Variants in ARHGAP45 observed in about 807,000 individuals in gnomAD.
ARHGAP45 encodes the protein Rho GTPase activating protein 45.
In ARHGAP45, 56 loss-of-function variants were observed where a neutral mutation model predicts 116.1. That is an observed-to-expected ratio of 0.48 (90% CI 0.39 to 0.60). ARHGAP45 has a LOEUF of 0.60. Among genes scored for constraint, ARHGAP45 ranks in the 20% least tolerant of loss-of-function variants. The pLI is 0.00. For missense variants in ARHGAP45, 1,622 were observed against 1,601.0 expected, an observed-to-expected ratio of 1.01 and a Z score of -0.22; for synonymous variants, 866 against 701.7, an observed-to-expected ratio of 1.23 and a Z score of -3.70.
Position 1,073,531 on chromosome 19 carries a change from T to A in ARHGAP45, c.591T>A (p.Asp197Glu). Residue 197 changes from aspartate to glutamate, a missense_variant, in exon 4 of 23, where the codon GAT becomes GAA. Asp to Glu is a conservative substitution (Grantham distance 45, BLOSUM62 2). Transcript: ENST00000313093. ...CCTTCCATTATGAGAGCAACAATGA[T>A]CTGGAGAAACAGGAGTTCGAGAAGG... ...VKAFHYESNN[D>E]LEKQEFEKAL... 6.2e-7 allele frequency: 1 copy of A among 1,613,982 alleles called. No individual in the cohort carries two copies.
rs763645536 is a variant in ARHGAP45, at chr19:1,074,327, C to A, written c.929-16C>A. On this transcript the variant is annotated splice_polypyrimidine_tract_variant and intron_variant, in intron 7 of 22. Coordinates refer to ENST00000313093, the MANE Select transcript of ARHGAP45 (RefSeq NM_012292.5). Reference sequence around the variant, plus strand: ...AGGCCTTGTCCCAGCACCTCACACCCCTCTCCGGCCCGCAGAGATGGAGTT... The same window carrying A: ...AGGCCTTGTCCCAGCACCTCACACCACTCTCCGGCCCGCAGAGATGGAGTT... 3 of 1,611,082 alleles carry A rather than the reference C, an allele frequency of 1.9e-6. No individual in the cohort carries two copies. The East Asian group carries it at 6.7e-5, about 36-fold the overall frequency.
rs552114360 is a variant in ARHGAP45 at position 1,071,560 on chromosome 19, C to A, written c.422-1589C>A. The A allele has an allele frequency of 4.4e-6, 1 of 226,928 alleles. No individual in the cohort carries two copies. Among genetic ancestry groups the A allele is most frequent in the Middle Eastern group, 2.2e-3 (1 of 450 alleles). The allele number at this position is 226,928 out of a possible 1,614,324, so 14.1% of individuals were successfully genotyped here. On this transcript the variant is annotated intron_variant, in intron 2 of 22. Coordinates refer to ENST00000313093, the MANE Select transcript of ARHGAP45 (RefSeq NM_012292.5). The surrounding 1 kb of genome is among the most constrained non-coding windows in gnomAD (Gnocchi z 4.6). ...GGGTGTGCGGGGACAGCCGGGGGTC[C>A]GTGCGCCGGCCGCGCGCGGAGTGCC...
chr19:1,078,166 C>T lies in ARHGAP45; in HGVS notation c.1374+121C>T, dbSNP rs377590465. On this transcript the variant is annotated intron_variant, in intron 11 of 22. Transcript: ENST00000313093. Reference sequence around the variant, plus strand: ...TTTGTTTTTTTGTTTGTTTTTGAGACGGAGTCTTGCTCTGTCGCCCAGGCT... The same window carrying T: ...TTTGTTTTTTTGTTTGTTTTTGAGATGGAGTCTTGCTCTGTCGCCCAGGCT... 347 of 1,423,756 alleles carry T rather than the reference C, an allele frequency of 2.4e-4. 1 individual carries two copies. In the African/African-American group the frequency reaches 4.3e-3, roughly 18 times the overall value. The allele number at this position is 1,423,756 out of a possible 1,614,324, so 88.2% of individuals were successfully genotyped here. A position where few individuals can be genotyped will look rare whatever the true frequency, so the allele number is the denominator to read the frequency against.
At position 1,071,155 on chromosome 19, in the gene ARHGAP45, G is replaced by A; in HGVS notation, c.422-1994G>A. ...GAAGGACCCAGGCTGGGGCGAACGG[G>A]ACCCCAGGGCGGGGTTTCCCTCGCG... is the stretch of plus-strand genomic sequence containing the variant. On this transcript the variant is annotated intron_variant, in intron 2 of 22. Coordinates refer to ENST00000313093, the MANE Select transcript of ARHGAP45 (RefSeq NM_012292.5). This position sits in a 1 kb window ranked among gnomAD's most constrained non-coding sequence, Gnocchi z 4.6. The A allele has an allele frequency of 7.7e-7, 1 of 1,304,216 alleles. No homozygotes were observed. The highest frequency in any genetic ancestry group is 9.8e-7 in the Non-Finnish European group (1 of 1,023,810). The allele number at this position is 1,304,216 out of a possible 1,614,324, so 80.8% of individuals were successfully genotyped here.
At chr19:1,075,544 C>T (rs974706857) in intron 10 of ARHGAP45, among the ~76,000 whole-genome samples, 6 of 152,106 alleles carry the variant, frequency 3.9e-5, no homozygotes, top group Admixed American at 6.6e-5. Context: ...CGCACCCACC[C>T]GGCCTCCTGC....
intron 10 of ARHGAP45, among the ~76,000 whole-genome samples, chr19:1,076,483 CTTTTTTTTTTTT>C (rs71174343): frequency 0.017 from 1,086 of 64,996 alleles, 29 homozygotes; most frequent in South Asian, 0.14. Flanking sequence ...TGGCAGTAGT[CTTTTTTTTTTTT>C]TTTTTTTTTT....
chr19:1,068,305 G>A lies in ARHGAP45; in HGVS notation c.91-109G>A. On this transcript the variant is annotated intron_variant, in intron 1 of 22. Transcript: ENST00000313093. The surrounding 1 kb of genome is among the most constrained non-coding windows in gnomAD (Gnocchi z 7.5). ...TGACCTCTGGCCTTTGACCCCTGTGGGGTCAGGGTGATGGTGGCCCTCCAC... is the reference window on the plus strand; with the variant it reads ...TGACCTCTGGCCTTTGACCCCTGTGAGGTCAGGGTGATGGTGGCCCTCCAC... 2.0e-6 allele frequency: 2 copies of A among 977,716 alleles called. No individual in the cohort carries two copies. Among genetic ancestry groups the A allele is most frequent in the South Asian group, 1.7e-5 (1 of 58,260 alleles). The allele number at this position is 977,716 out of a possible 1,614,324, so 60.6% of individuals were successfully genotyped here.
At position 1,071,484 on chromosome 19, in the gene ARHGAP45, G is replaced by A; in HGVS notation, c.422-1665G>A. The A allele has an allele frequency of 2.6e-5, 19 of 719,090 alleles. No homozygotes were observed. Among genetic ancestry groups the A allele is most frequent in the Non-Finnish European group, 3.3e-5 (19 of 577,952 alleles). 44.5% of individuals were successfully genotyped at this position (719,090 alleles called of 1,614,324 possible). A position where few individuals can be genotyped will look rare whatever the true frequency, so the allele number is the denominator to read the frequency against. On this transcript the variant is annotated intron_variant, in intron 2 of 22. Coordinates refer to ENST00000313093, the MANE Select transcript of ARHGAP45 (RefSeq NM_012292.5). The surrounding 1 kb of genome is among the most constrained non-coding windows in gnomAD (Gnocchi z 4.6). ...GCCTGGCCTGGCCGTGCGCACCTGG[G>A]CATCCCTGCGCTGCGCAGGGGTCGC...
Position 1,081,737 on chromosome 19 carries a change from A to T in ARHGAP45, c.2378A>T (p.Lys793Met). 4 of 1,567,174 alleles carry T rather than the reference A, an allele frequency of 2.6e-6. No individual in the cohort carries two copies. Among genetic ancestry groups the T allele is most frequent in the Non-Finnish European group, 3.5e-6 (4 of 1,155,340 alleles). The change falls in exon 18 of 23, where the codon AAG becomes ATG. Residue 793 changes from lysine (K) to methionine (M), a missense_variant and splice_region_variant. Coordinates refer to ENST00000313093, the MANE Select transcript of ARHGAP45 (RefSeq NM_012292.5). ...ATCGAGCGGCGGGCGCTGCGCACCA[A>T]GGTGAGGCGGGGGAGGAAGCGGCTC... is the stretch of plus-strand genomic sequence containing the variant. ...CEIERRALRT[K>M]GIYRVNGVKT...
intron 21 of ARHGAP45, 129 bp from the exon 22 acceptor site, chr19:1,084,109 G>T: frequency 1.2e-6 from 1 of 837,304 alleles, no homozygotes; most frequent in Non-Finnish European, 2.0e-6. Flanking sequence ...TTTGCTCTTG[G>T]CTGAGGACAG....
chr19:1,083,093 G>T (rs1419163610), intron 20 of ARHGAP45, 27 bp downstream of exon 20: 1 of 1,563,594 alleles, frequency 6.4e-7, no homozygotes, highest in Non-Finnish European at 8.6e-7. Context: ...GGAGTGGAGG[G>T]CGCGGGGTCC....
chr19:1,084,449 T>C lies in ARHGAP45; in HGVS notation c.3064+103T>C, dbSNP rs1235516488. Reference sequence around the variant, plus strand: ...TGTACACACGTGGCAGGGTCCACGGTGCTGCACATTCTGTGGATTTCGTCT... The same window carrying C: ...TGTACACACGTGGCAGGGTCCACGGCGCTGCACATTCTGTGGATTTCGTCT... On this transcript the variant is annotated intron_variant, in intron 22 of 22. Transcript: ENST00000313093. 3.6e-6 allele frequency: 3 copies of C among 836,468 alleles called. No homozygotes were observed. In the African/African-American group the frequency reaches 5.2e-5, roughly 14 times the overall value. 51.8% of individuals were successfully genotyped at this position (836,468 alleles called of 1,614,324 possible). A position where few individuals can be genotyped will look rare whatever the true frequency, so the allele number is the denominator to read the frequency against.
Position 1,069,804 on chromosome 19 carries a change from C to A in ARHGAP45, c.421+1060C>A, listed in dbSNP as rs2145010286. On this transcript the variant is annotated intron_variant, in intron 2 of 22. Coordinates refer to ENST00000313093, the MANE Select transcript of ARHGAP45 (RefSeq NM_012292.5). This position sits in a 1 kb window ranked among gnomAD's most constrained non-coding sequence, Gnocchi z 4.1. ...TGCAGGAGGTCTGAACTGGGCCAGC[C>A]AGGGTGGGGCACTTTTTTTTTTTTT... 1.4e-5 allele frequency among the ~76,000 whole-genome samples: 2 copies of A among 144,028 alleles called. No homozygotes were observed. The highest frequency in any genetic ancestry group is 4.4e-4 in the South Asian group (2 of 4,530). The allele number at this position is 144,028 out of a possible 152,430, so 94.5% of individuals were successfully genotyped here. A position where few individuals can be genotyped will look rare whatever the true frequency, so the allele number is the denominator to read the frequency against.
intron 2 of ARHGAP45, 141 bp from the exon 3 acceptor site, chr19:1,073,008 A>G: frequency 9.6e-7 from 1 of 1,036,514 alleles, no homozygotes; most frequent in South Asian, 1.6e-5. Context: ...CGGTCTCGAA[A>G]TGAGCCCCAG....
Position 1,067,245 on chromosome 19 carries a change from T to G in ARHGAP45, c.-161T>G. The G allele has an allele frequency of 2.3e-6, 3 of 1,329,872 alleles. No individual in the cohort carries two copies. Among genetic ancestry groups the G allele is most frequent in the African/African-American group, 1.8e-5 (1 of 54,258 alleles). 82.4% of individuals were successfully genotyped at this position (1,329,872 alleles called of 1,614,324 possible). A position where few individuals can be genotyped will look rare whatever the true frequency, so the allele number is the denominator to read the frequency against. Reference sequence around the variant, plus strand: ...GCCGCCTCCCCGAAGCCTTTTCCTGTTGGGGGGAGGGCCCGCCAGTGACGG... The same window carrying G: ...GCCGCCTCCCCGAAGCCTTTTCCTGGTGGGGGGAGGGCCCGCCAGTGACGG... On this transcript the variant is annotated 5_prime_UTR_variant, in exon 1 of 23. Transcript: ENST00000313093.
intron 10 of ARHGAP45, among the ~76,000 whole-genome samples, chr19:1,076,082 G>C (rs2043241277): frequency 6.6e-6 from 1 of 152,146 alleles, no homozygotes; most frequent in African/African-American, 2.4e-5. Context: ...TTATTTCATG[G>C]ACGTCTTGGG....
Position 1,073,964 on chromosome 19 carries a change from A to G in ARHGAP45, c.740A>G (p.Tyr247Cys). 8.2e-6 allele frequency: 13 copies of G among 1,583,372 alleles called. No homozygotes were observed. Among genetic ancestry groups the G allele is most frequent in the Non-Finnish European group, 1.1e-5 (13 of 1,165,618 alleles). Residue 247 changes from tyrosine to cysteine, a missense_variant, in exon 6 of 23, where the codon TAT becomes TGT. Coordinates refer to ENST00000313093, the MANE Select transcript of ARHGAP45 (RefSeq NM_012292.5). ...GTCCTACAGTCCATGGAAAGCCTGT[A>G]TGGACCGGGCAGTGAGGGCACGCCT... ...GDSSQSMESLYGPGSEGTPPS... is the reference protein window; with the variant it reads ...GDSSQSMESLCGPGSEGTPPS...
In ARHGAP45 at chr19:1,073,261, C is replaced by G; in HGVS notation, c.534C>G (p.Thr178=). Residue 178 remains threonine (T), a synonymous_variant, in exon 3 of 23, where the codon ACC becomes ACG. Transcript: ENST00000313093. ...TGCTGAACACCGTGGAGACGCTCAC[C>G]GCAGCCGGCACCCTCATTGCCAAGG... is the stretch of plus-strand genomic sequence containing the variant. The part of the protein sequence containing the change: ...YPLLNTVETL[T]AAGTLIAKVK... The G allele has an allele frequency of 6.2e-7, 1 of 1,613,676 alleles. No homozygotes were observed. The highest frequency in any genetic ancestry group is 1.1e-5 in the South Asian group (1 of 91,086).
chr19:1,067,683 C>A (rs915541287), intron 1 of ARHGAP45, 188 bp downstream of exon 1: 18 of 717,554 alleles, frequency 2.5e-5, no homozygotes, highest in Non-Finnish European at 4.3e-5. Flanking sequence ...CGGTAGGGAC[C>A]CTGGGAGTGG....
Sources: allele counts gnomAD v4.1 joint callset (sites outside exome capture counted in the v4.1 genomes callset), GRCh38; gene constraint gnomAD v4.1.1; non-coding constraint Gnocchi (gnomAD v3.1); transcripts MANE v1.5; gene names NCBI Gene and HGNC (gene_info 2026-07-23, HGNC 2026-07-21).